HGF: variants seen among roughly 807,000 people sequenced by gnomAD.
HGF encodes fibroblast-derived tumor cytotoxic factor.
Under a neutral mutation model 111.6 loss-of-function variants are expected in HGF, and 39 were observed. The ratio of observed to expected loss-of-function variants is 0.35; its 90% confidence interval spans 0.27 to 0.46. HGF has a LOEUF of 0.46. HGF is among the 20% of genes least tolerant of loss of function. The pLI, the probability that HGF is intolerant of heterozygous loss-of-function variation, is 1.00. For synonymous variants in HGF, 285 were observed against 294.8 expected (o/e 0.97, Z 0.34); for missense variants, 735 against 910.5 (o/e 0.81, Z 2.48).
Position 81,702,567 on chromosome 7 carries a change from C to A in HGF, c.*14G>T. On this transcript the variant is annotated 3_prime_UTR_variant, in exon 18 of 18. Transcript: ENST00000222390. Reference sequence around the variant, plus strand: ...CAGTTGTATTGGTGGGTGCTTCAGACACACTTACTTCAGCTATGACTGTGG... The same window carrying A: ...CAGTTGTATTGGTGGGTGCTTCAGAAACACTTACTTCAGCTATGACTGTGG... The A allele has an allele frequency of 6.2e-7, 1 of 1,602,966 alleles. No homozygotes were observed. Among genetic ancestry groups the A allele is most frequent in the South Asian group, 1.1e-5 (1 of 90,776 alleles).
At chr7:81,733,492 T>C (rs1277324871) in intron 7 of HGF, among the ~76,000 whole-genome samples, 1 of 152,040 alleles carries the variant, frequency 6.6e-6, no homozygotes, top group Non-Finnish European at 1.5e-5. Flanking sequence ...GAAATATTTG[T>C]CATTATTTTA....
Position 81,702,319 on chromosome 7 carries a change from GT to G in HGF, c.*261del, listed in dbSNP as rs1187515087. 1 of 376,848 alleles carries G rather than the reference GT, an allele frequency of 2.7e-6. No homozygotes were observed. The highest frequency in any genetic ancestry group is 4.8e-6 in the Non-Finnish European group (1 of 207,172). The allele number at this position is 376,848 out of a possible 1,614,324, so 23.3% of individuals were successfully genotyped here. A position where few individuals can be genotyped will look rare whatever the true frequency, so the allele number is the denominator to read the frequency against. On this transcript the variant is annotated 3_prime_UTR_variant, in exon 18 of 18. Coordinates refer to ENST00000222390, the MANE Select transcript of HGF (RefSeq NM_000601.6). Reference sequence around the variant, plus strand: ...TATCATCCAGCAAATATACCTGTGTGTTTTTTTAATCCATTCAAGTATCTTC... The same window carrying G: ...TATCATCCAGCAAATATACCTGTGTGTTTTTTAATCCATTCAAGTATCTTC...
intron 11 of HGF, among the ~76,000 whole-genome samples, chr7:81,714,267 A>T (rs918475763): frequency 1.3e-5 from 2 of 152,054 alleles, no homozygotes; most frequent in African/African-American, 4.8e-5. Context: ...ATTTAAAATT[A>T]AGAAGAAGTG....
intron 9 of HGF, among the ~76,000 whole-genome samples, chr7:81,725,677 G>A (rs1183340286): frequency 6.6e-6 from 1 of 152,110 alleles, no homozygotes; most frequent in Non-Finnish European, 1.5e-5. Context: ...CCAAGGCTTA[G>A]AACTGTGGCT....
intron 5 of HGF, chr7:81,751,118 A>G: frequency 7.6e-6 from 7 of 916,930 alleles, no homozygotes; most frequent in Non-Finnish European, 9.1e-6. Flanking sequence ...TGTGATAAAT[A>G]TCAACCTAAT....
chr7:81,711,946 T>C (rs1789582060), intron 11 of HGF, among the ~76,000 whole-genome samples: 6 of 152,138 alleles, frequency 3.9e-5, no homozygotes, highest in Admixed American at 3.9e-4. Flanking sequence ...ACCTGGCCAA[T>C]TTACTGAAAT....
Position 81,702,461 on chromosome 7 carries a change from C to T in HGF, c.*120G>A. 1.3e-6 allele frequency: 1 copy of T among 781,290 alleles called. No individual in the cohort carries two copies. The highest frequency in any genetic ancestry group is 2.2e-6 in the Non-Finnish European group (1 of 464,616). 48.4% of individuals were successfully genotyped at this position (781,290 alleles called of 1,614,324 possible). A position where few individuals can be genotyped will look rare whatever the true frequency, so the allele number is the denominator to read the frequency against. On this transcript the variant is annotated 3_prime_UTR_variant, in exon 18 of 18. Transcript: ENST00000222390. ...AAACATTAATGAGAATTTCAACAAA[C>T]ATGACTCTCCAGTAGTTGTCTTAGG...
Position 81,717,341 on chromosome 7 carries a change from T to C in HGF, c.1296A>G (p.Ala432=), listed in dbSNP as rs1212658666. 1 of 1,613,560 alleles carries C rather than the reference T, an allele frequency of 6.2e-7. No individual in the cohort carries two copies. The highest frequency in any genetic ancestry group is 8.5e-7 in the Non-Finnish European group (1 of 1,179,546). ...GGCAGTAATTCTCATTCAGCTTACT[T>C]GCATCTGGTTCCCAGAAGATATGAC... ...LHRHIFWEPD[A]SKLNENYCRN... The change falls in exon 11 of 18, where the codon GCA becomes GCG. Residue 432 remains alanine, a synonymous_variant. Transcript: ENST00000222390.
At chr7:81,730,519 T>A (rs5745683) in intron 7 of HGF, among the ~76,000 whole-genome samples, 2,538 of 152,324 alleles carry the variant, frequency 0.017, 65 homozygotes, top group African/African-American at 0.056. Flanking sequence ...TTTAGTCATC[T>A]TGTTGACAAT....
chr7:81,707,906 G>T (rs146371972), intron 13 of HGF, among the ~76,000 whole-genome samples: 1,636 of 152,096 alleles, frequency 0.011, 32 homozygotes, highest in African/African-American at 0.036. Flanking sequence ...AAATTACTTT[G>T]TCCAGTATAA....
chr7:81,743,531 C>G, intron 6 of HGF, 60 bp from the exon 7 acceptor site: 1 of 1,038,962 alleles, frequency 9.6e-7, no homozygotes, highest in Non-Finnish European at 1.5e-6. Flanking sequence ...ACCCACCCCT[C>G]AGCTCACAAA....
chr7:81,722,933 G>T (rs186939767), intron 9 of HGF, among the ~76,000 whole-genome samples: 2 of 149,826 alleles, frequency 1.3e-5, no homozygotes. Context: ...AATACCGAAC[G>T]TTTTTAAAGT....
At chr7:81,741,156 A>G (rs1435223557) in intron 7 of HGF, among the ~76,000 whole-genome samples, 2 of 152,204 alleles carry the variant, frequency 1.3e-5, no homozygotes, top group African/African-American at 4.8e-5. Context: ...AGTCATATCT[A>G]TATCTCTTTC....
At position 81,717,330 on chromosome 7, in the gene HGF, T is replaced by C; in HGVS notation, c.1307A>G (p.Asn436Ser). 1 of 1,613,730 alleles carries C rather than the reference T, an allele frequency of 6.2e-7. No individual in the cohort carries two copies. The highest frequency in any genetic ancestry group is 8.5e-7 in the Non-Finnish European group (1 of 1,179,648). The change falls in exon 11 of 18, where the codon AAT becomes AGT. Residue 436 changes from asparagine to serine, a missense_variant. Transcript: ENST00000222390. ...ATCTGGATTTCGGCAGTAATTCTCA[T>C]TCAGCTTACTTGCATCTGGTTCCCA... ...IFWEPDASKL[N>S]ENYCRNPDDD... is the part of the protein sequence containing the mutation.
chr7:81,726,358 G>A (rs1463083004), intron 8 of HGF, among the ~76,000 whole-genome samples: 1 of 151,986 alleles, frequency 6.6e-6, no homozygotes, highest in East Asian at 1.9e-4. Context: ...TCAAAACATT[G>A]GCCTGTTATT....
At position 81,720,740 on chromosome 7, in the gene HGF, C is replaced by A; in HGVS notation, c.1271+5G>T. 1 of 1,550,002 alleles carries A rather than the reference C, an allele frequency of 6.5e-7. No individual in the cohort carries two copies. The highest frequency in any genetic ancestry group is 8.9e-7 in the Non-Finnish European group (1 of 1,121,676). ...CTATATATTGAAAGGAAGAAATTTA[C>A]ACACCGATGTAAGTCTTCCATGTTC... On this transcript the variant is annotated splice_donor_5th_base_variant and intron_variant, in intron 10 of 17. Transcript: ENST00000222390.
chr7:81,738,468 G>T (rs983865406), intron 7 of HGF, among the ~76,000 whole-genome samples: 1 of 152,068 alleles, frequency 6.6e-6, no homozygotes, highest in Admixed American at 6.6e-5. Context: ...ATATTTGTGG[G>T]CTGATGACAT....
chr7:81,728,459 ATC>A (rs1484654803), intron 8 of HGF, among the ~76,000 whole-genome samples: 1 of 152,186 alleles, frequency 6.6e-6, no homozygotes, highest in Non-Finnish European at 1.5e-5. Context: ...CAGTGACACT[ATC>A]TCCTTTGTCC....
chr7:81,748,601 T>C (rs1788368937), intron 5 of HGF, among the ~76,000 whole-genome samples: 1 of 152,178 alleles, frequency 6.6e-6, no homozygotes, highest in Admixed American at 6.5e-5. Flanking sequence ...TATGTAGGAG[T>C]GCCCTTTGGC....
Sources: allele counts gnomAD v4.1 joint callset (sites outside exome capture counted in the v4.1 genomes callset), GRCh38; gene constraint gnomAD v4.1.1; transcripts MANE v1.5; gene names NCBI Gene and HGNC (gene_info 2026-07-23, HGNC 2026-07-21).